Variants in SDCCAG8 observed in about 807,000 individuals in gnomAD.
SDCCAG8 encodes serologically defined colon cancer antigen 8.
Under a neutral mutation model 101.8 loss-of-function variants are expected in SDCCAG8, and 74 were observed. That is an observed-to-expected ratio of 0.73 (90% CI 0.60 to 0.88). The LOEUF (loss-of-function observed/expected upper bound fraction) is 0.88. SDCCAG8 is among the 40% of genes least tolerant of loss of function. The pLI is 0.00. For missense variants in SDCCAG8, 787 were observed against 822.6 expected (o/e 0.96, Z 0.53); for synonymous variants, 281 against 292.9 (o/e 0.96, Z 0.41).
intron 12 of SDCCAG8, among the ~76,000 whole-genome samples, chr1:243,357,132 C>A (rs530052677): frequency 1.3e-5 from 2 of 152,202 alleles, no homozygotes; most frequent in South Asian, 2.1e-4. Flanking sequence ...GTAATCCCGG[C>A]GCTTTGAGAG....
intron 16 of SDCCAG8, among the ~76,000 whole-genome samples, chr1:243,431,819 G>A (rs2081789608): frequency 1.3e-5 from 2 of 152,150 alleles, no homozygotes; most frequent in African/African-American, 4.8e-5. Flanking sequence ...CACTGTCACC[G>A]ACTCCCAGTA....
chr1:243,332,226 TG>T (rs2074657815), intron 10 of SDCCAG8, among the ~76,000 whole-genome samples: 1 of 152,208 alleles, frequency 6.6e-6, no homozygotes, highest in South Asian at 2.1e-4. Context: ...AGAATTATGT[TG>T]GGATGGAATC....
intron 5 of SDCCAG8, among the ~76,000 whole-genome samples, chr1:243,291,473 A>G (rs546905957): frequency 2.6e-4 from 40 of 152,240 alleles, no homozygotes; most frequent in African/African-American, 9.1e-4. Flanking sequence ...CTTCCTTTGG[A>G]TGGTACACAT....
chr1:243,380,984 T>A (rs74150984), intron 13 of SDCCAG8, among the ~76,000 whole-genome samples: 1,789 of 152,244 alleles, frequency 0.012, 29 homozygotes, highest in African/African-American at 0.04. Context: ...CACCATACTT[T>A]ATTGATTCAG....
Position 243,312,324 on chromosome 1 carries a change from CT to C in SDCCAG8, c.929+4149del, listed in dbSNP as rs142704265. ...TTAAATATGATAAATCAAAAGTTTCCTTGTAAATGTGGTATTGTGACAGCAG... is the reference window on the plus strand; with the variant it reads ...TTAAATATGATAAATCAAAAGTTTCCTGTAAATGTGGTATTGTGACAGCAG... On this transcript the variant is annotated intron_variant, in intron 8 of 17. Coordinates refer to ENST00000366541, the MANE Select transcript of SDCCAG8 (RefSeq NM_006642.5). Among the ~76,000 whole-genome samples, 376 of 152,246 alleles carry C rather than the reference CT, an allele frequency of 2.5e-3. 4 individuals carry two copies. Among genetic ancestry groups the C allele is most frequent in the Non-Finnish European group, 3.7e-3 (252 of 68,000 alleles).
At chr1:243,480,713 A>G (rs1574302329) in intron 16 of SDCCAG8, among the ~76,000 whole-genome samples, 1 of 76,720 alleles carries the variant, frequency 1.3e-5, no homozygotes, top group Non-Finnish European at 2.5e-5. Context: ...GGATGGATGG[A>G]TGGATGGGTG....
chr1:243,304,072 C>CA (rs147707292), intron 6 of SDCCAG8, among the ~76,000 whole-genome samples: 32 of 145,748 alleles, frequency 2.2e-4, no homozygotes, highest in East Asian at 6.0e-4. Context: ...GACTCTGTCT[C>CA]AAAAAAAAAA....
rs773714520 is a variant in SDCCAG8, at chr1:243,433,355, A to AG, written c.1985+6798dup. ...CAACAGAGTGCAACTCCGTCTCAAA[A>AG]GAAAAAAAAAAAAAAAAAAAGGATA... On this transcript the variant is annotated intron_variant, in intron 16 of 17. Transcript: ENST00000366541. Among the ~76,000 whole-genome samples the AG allele has an allele frequency of 4.1e-5, 6 of 147,210 alleles. No homozygotes were observed. The South Asian group carries it at 1.4e-3, about 33-fold the overall frequency.
chr1:243,430,867 T>C (rs920571528), intron 16 of SDCCAG8, among the ~76,000 whole-genome samples: 2 of 152,200 alleles, frequency 1.3e-5, no homozygotes, highest in Non-Finnish European at 2.9e-5. Flanking sequence ...AACTCCACAA[T>C]AGATAACAGA....
rs115067800 is a variant in SDCCAG8 at position 243,395,077 on chromosome 1, G to A, written c.1616+16214G>A. Among the ~76,000 whole-genome samples, 282 of 152,112 alleles carry A rather than the reference G, an allele frequency of 1.9e-3. 3 individuals are homozygous for A. Among genetic ancestry groups the A allele is most frequent in the African/African-American group, 6.4e-3 (267 of 41,488 alleles). The stretch of plus-strand genomic sequence containing the variant: ...TTATGGAAAAGTGTATGTGTGTATC[G>A]CATTTACGTGTCTGTGTGTGACTGG... On this transcript the variant is annotated intron_variant, in intron 13 of 17. Transcript: ENST00000366541.
intron 12 of SDCCAG8, among the ~76,000 whole-genome samples, chr1:243,346,718 A>G (rs187975467): frequency 6.6e-5 from 10 of 152,280 alleles, no homozygotes; most frequent in African/African-American, 2.4e-4. Context: ...TATCCTTCCC[A>G]TCAACTCCTT....
intron 12 of SDCCAG8, among the ~76,000 whole-genome samples, chr1:243,366,357 A>G (rs1329884067): frequency 1.3e-5 from 2 of 151,976 alleles, no homozygotes; most frequent in South Asian, 2.1e-4. Flanking sequence ...TTCTACACAT[A>G]GGGAATGGTG....
In SDCCAG8 at chr1:243,499,655, AAC is replaced by A. The variant is rs980916550; in HGVS notation, c.2113-99_2113-98del. The A allele has an allele frequency of 4.9e-5, 47 of 965,074 alleles. No homozygotes were observed. The African/African-American group carries it at 6.7e-4, about 14-fold the overall frequency. 59.8% of individuals were successfully genotyped at this position (965,074 alleles called of 1,614,324 possible). ...TTAGCAACAGGTTTTTTTCTCCAACAACAGTTTTCATCATAAAAGGTGACTAA... is the reference window on the plus strand; with the variant it reads ...TTAGCAACAGGTTTTTTTCTCCAACAAGTTTTCATCATAAAAGGTGACTAA... On this transcript the variant is annotated intron_variant, in intron 17 of 17. Transcript: ENST00000366541.
chr1:243,468,221 G>GTT (rs777469574), intron 16 of SDCCAG8, among the ~76,000 whole-genome samples: 41 of 141,216 alleles, frequency 2.9e-4, no homozygotes, highest in African/African-American at 5.7e-4. Context: ...TTCTTCAAAG[G>GTT]TTTTTTTTTT....
chr1:243,403,393 C>T (rs2079535121), intron 13 of SDCCAG8, among the ~76,000 whole-genome samples: 1 of 152,134 alleles, frequency 6.6e-6, no homozygotes, highest in Non-Finnish European at 1.5e-5. Flanking sequence ...GAGTAGTCAT[C>T]TTCTAGGAAA....
intron 10 of SDCCAG8, among the ~76,000 whole-genome samples, chr1:243,336,660 A>G (rs1029083122): frequency 5.3e-5 from 8 of 152,116 alleles, no homozygotes; most frequent in African/African-American, 1.4e-4. Context: ...CGACGATCCA[A>G]TCACCTCCCA....
chr1:243,403,839 C>A (rs541617257), intron 13 of SDCCAG8, among the ~76,000 whole-genome samples: 55 of 152,192 alleles, frequency 3.6e-4, no homozygotes, highest in Non-Finnish European at 6.6e-4. Context: ...ATAATTATTT[C>A]ATTATATGTT....
intron 13 of SDCCAG8, among the ~76,000 whole-genome samples, chr1:243,414,630 C>T (rs1389753613): frequency 2.6e-5 from 4 of 152,106 alleles, no homozygotes; most frequent in African/African-American, 7.2e-5. Context: ...ATTGAAGTTC[C>T]ACAGCGGTAC....
chr1:243,424,611 A>G (rs2081223072), intron 15 of SDCCAG8, among the ~76,000 whole-genome samples: 1 of 152,072 alleles, frequency 6.6e-6, no homozygotes, highest in Admixed American at 6.6e-5. Flanking sequence ...TATCACTTAT[A>G]AATAGCCACA....
Sources: allele counts gnomAD v4.1 joint callset (sites outside exome capture counted in the v4.1 genomes callset), GRCh38; gene constraint gnomAD v4.1.1; transcripts MANE v1.5; gene names NCBI Gene and HGNC (gene_info 2026-07-23, HGNC 2026-07-21).